The following NKAIN3 variants were observed in gnomAD, a reference collection of about 807,000 sequenced individuals.
The protein encoded by NKAIN3 is sodium/potassium-transporting ATPase subunit beta-1-interacting protein 3.
Under a neutral mutation model 30.2 loss-of-function variants are expected in NKAIN3, and 25 were observed. The observed-to-expected ratio is 0.83, with a 90% CI of 0.60 to 1.16. The LOEUF (loss-of-function observed/expected upper bound fraction) is 1.16. Ranked by LOEUF, NKAIN3 falls within the 50% of genes most tolerant of loss-of-function variation. The probability of loss-of-function intolerance (pLI) is 0.00; values close to 1 mark genes in which losing one functional copy is unlikely to be tolerated. For synonymous variants in NKAIN3, 91 were observed against 89.6 expected, an observed-to-expected ratio of 1.02 and a Z score of -0.09; for missense variants, 225 against 254.1, an observed-to-expected ratio of 0.89 and a Z score of 0.78.
At chr8:62,825,376 A>G (rs1003023975) in intron 4 of NKAIN3, among the ~76,000 whole-genome samples, 3 of 152,204 alleles carry the variant, frequency 2.0e-5, no homozygotes, top group Admixed American at 6.5e-5. Context: ...TGTATGTCCA[A>G]TTGAGCTACT....
chr8:62,993,288 C>T (rs2130935028), intron 5 of NKAIN3, among the ~76,000 whole-genome samples: 1 of 152,264 alleles, frequency 6.6e-6, no homozygotes, highest in South Asian at 2.1e-4. Flanking sequence ...CAAACTCTGC[C>T]ACACAACCTT....
intron 1 of NKAIN3, among the ~76,000 whole-genome samples, chr8:62,485,798 T>C (rs1481521346): frequency 6.6e-6 from 1 of 152,192 alleles, no homozygotes; most frequent in East Asian, 1.9e-4. Context: ...TTTGAGAGCT[T>C]TTCTGGAGGT....
intron 3 of NKAIN3, among the ~76,000 whole-genome samples, chr8:62,676,145 C>T (rs994774557): frequency 2.0e-5 from 3 of 152,188 alleles, no homozygotes; most frequent in Admixed American, 6.5e-5. Flanking sequence ...CCTCACCTTA[C>T]AGAAGCTCAG....
chr8:62,607,060 T>C (rs529309084), intron 3 of NKAIN3, among the ~76,000 whole-genome samples: 2 of 152,300 alleles, frequency 1.3e-5, no homozygotes, highest in African/African-American at 4.8e-5. Context: ...ACATGAATAA[T>C]TGAAGACTGA....
chr8:62,757,929 C>T (rs1190465694), intron 4 of NKAIN3, among the ~76,000 whole-genome samples: 1 of 152,042 alleles, frequency 6.6e-6, no homozygotes. Flanking sequence ...TATATGGAGT[C>T]CTGAAGTAAG....
At chr8:62,679,101 A>C (rs1813571688) in intron 3 of NKAIN3, among the ~76,000 whole-genome samples, 1 of 152,228 alleles carries the variant, frequency 6.6e-6, no homozygotes, top group Admixed American at 6.5e-5. Context: ...TTCAACCCAG[A>C]CAGGTTGAGA....
intron 3 of NKAIN3, among the ~76,000 whole-genome samples, chr8:62,616,666 C>T (rs752643348): frequency 2.0e-5 from 3 of 152,078 alleles, no homozygotes; most frequent in East Asian, 1.9e-4. Context: ...ATTAAATCAT[C>T]GTCCACTGGT....
intron 3 of NKAIN3, among the ~76,000 whole-genome samples, chr8:62,723,626 A>G (rs1322633110): frequency 3.3e-5 from 5 of 152,102 alleles, no homozygotes; most frequent in East Asian, 1.9e-4. Flanking sequence ...CTGTAGCTGA[A>G]TCTTATCATA....
At chr8:62,937,398 C>T (rs543959211) in intron 5 of NKAIN3, among the ~76,000 whole-genome samples, 1 of 152,252 alleles carries the variant, frequency 6.6e-6, no homozygotes, top group South Asian at 2.1e-4. Context: ...ACCACACATC[C>T]TCACTGGGAA....
chr8:62,814,141 C>T lies in NKAIN3; in HGVS notation c.471+67012C>T, dbSNP rs1021145380. Among the ~76,000 whole-genome samples, 5 of 151,980 alleles carry T rather than the reference C, an allele frequency of 3.3e-5. No homozygotes were observed. The South Asian group carries it at 8.3e-4, about 25-fold the overall frequency. ...AGAGAACTTCTTTGGATTGAATTTACGTAAGAATCTTTTAGCTTCCTATAT... is the reference window on the plus strand; with the variant it reads ...AGAGAACTTCTTTGGATTGAATTTATGTAAGAATCTTTTAGCTTCCTATAT... On this transcript the variant is annotated intron_variant, in intron 4 of 6. Transcript: ENST00000623646.
In NKAIN3 at chr8:62,992,885, A is replaced by G. The variant is rs958683817; in HGVS notation, c.533-6346A>G. 3.9e-5 allele frequency among the ~76,000 whole-genome samples: 6 copies of G among 152,144 alleles called. No individual in the cohort carries two copies. The East Asian group carries it at 5.8e-4, about 15-fold the overall frequency. ...ATACTTGCCTTCGTGCATAAGAGCA[A>G]TCTGTCATCAGAGGCCAGTCCAAAA... On this transcript the variant is annotated intron_variant, in intron 5 of 5. Transcript: ENST00000519049.
chr8:62,637,535 T>A (rs1812171904), intron 3 of NKAIN3, among the ~76,000 whole-genome samples: 1 of 152,180 alleles, frequency 6.6e-6, no homozygotes, highest in Non-Finnish European at 1.5e-5. Flanking sequence ...TTTATCTGTA[T>A]TTAGTGTTCC....
At chr8:62,517,495 G>T (rs890027231) in intron 1 of NKAIN3, among the ~76,000 whole-genome samples, 1 of 152,056 alleles carries the variant, frequency 6.6e-6, no homozygotes, top group South Asian at 2.1e-4. Flanking sequence ...AGAGAATACC[G>T]TATGATTTTT....
intron 3 of NKAIN3, among the ~76,000 whole-genome samples, chr8:62,679,429 C>T (rs1312543161): frequency 6.6e-6 from 1 of 152,188 alleles, no homozygotes; most frequent in East Asian, 1.9e-4. Flanking sequence ...AAGATGACCT[C>T]ATCCTAATAT....
intron 1 of NKAIN3, among the ~76,000 whole-genome samples, chr8:62,451,449 A>G (rs1330100616): frequency 6.6e-6 from 1 of 152,136 alleles, no homozygotes; most frequent in Non-Finnish European, 1.5e-5. Flanking sequence ...ATAGTAATCT[A>G]GATGAGTTTT....
At chr8:62,957,156 C>T (rs1375704724) in intron 6 of NKAIN3, among the ~76,000 whole-genome samples, 3 of 150,718 alleles carry the variant, frequency 2.0e-5, no homozygotes, top group Non-Finnish European at 4.4e-5. Flanking sequence ...TTTTTTAAGA[C>T]GGAGTCTTGC....
At chr8:62,255,386 G>A (rs1471268942) in intron 1 of NKAIN3, among the ~76,000 whole-genome samples, 2 of 152,130 alleles carry the variant, frequency 1.3e-5, no homozygotes, top group African/African-American at 4.8e-5. Flanking sequence ...GGGATTGCTG[G>A]CAAACCCATG....
At chr8:62,435,387 C>T (rs62511463) in intron 1 of NKAIN3, among the ~76,000 whole-genome samples, 2,136 of 152,186 alleles carry the variant, frequency 0.014, 21 homozygotes, top group Non-Finnish European at 0.02. Context: ...AAAAACCACA[C>T]GCTGACAGAA....
At chr8:62,453,580 G>T (rs952982229) in intron 1 of NKAIN3, among the ~76,000 whole-genome samples, 1 of 152,026 alleles carries the variant, frequency 6.6e-6, no homozygotes, top group African/African-American at 2.4e-5. Flanking sequence ...AAAGATCAGT[G>T]AATTCATGAG....
Sources: allele counts gnomAD v4.1 joint callset (sites outside exome capture counted in the v4.1 genomes callset), GRCh38; gene constraint gnomAD v4.1.1; transcripts MANE v1.5; gene names NCBI Gene and HGNC (gene_info 2026-07-23, HGNC 2026-07-21).